PCNX1: variants seen among roughly 807,000 people sequenced by gnomAD.
PCNX1 encodes pecanex 1.
In PCNX1, 78 loss-of-function variants were observed where a neutral mutation model predicts 242.2. The ratio of observed to expected loss-of-function variants is 0.32; its 90% CI spans 0.27 to 0.39. PCNX1 has a LOEUF of 0.39. Among genes scored for constraint, PCNX1 ranks in the 10% least tolerant of loss-of-function variants. PCNX1 has a pLI of 1.00. For synonymous variants in PCNX1, 1,024 were observed against 1,032.9 expected (o/e 0.99, Z 0.17); for missense variants, 2,581 against 2,856.5 (o/e 0.90, Z 2.20).
chr14:70,998,771 A>T (rs1466010476), intron 8 of PCNX1, among the ~76,000 whole-genome samples: 1 of 150,634 alleles, frequency 6.6e-6, no homozygotes, highest in Non-Finnish European at 1.5e-5. Context: ...AAAAAAAAAA[A>T]AGAAAAACTG....
intron 1 of PCNX1, among the ~76,000 whole-genome samples, chr14:70,910,271 A>G (rs1432277558): frequency 1.9e-5 from 2 of 106,162 alleles, no homozygotes; most frequent in African/African-American, 7.3e-5. Context: ...GGCCATCATC[A>G]TTCCCTTGGT....
chr14:71,020,542 C>T (rs2060073040), intron 12 of PCNX1, among the ~76,000 whole-genome samples: 1 of 152,162 alleles, frequency 6.6e-6, no homozygotes, highest in South Asian at 2.1e-4. Context: ...TAATGATGAG[C>T]TTTTTTTCAT....
rs1385678540 is a variant in PCNX1, at chr14:71,108,628, T to C, written c.6326T>C (p.Val2109Ala). 6.2e-7 allele frequency: 1 copy of C among 1,613,364 alleles called. No individual in the cohort carries two copies. The highest frequency in any genetic ancestry group is 8.5e-7 in the Non-Finnish European group (1 of 1,179,488). Residue 2109 changes from valine (V) to alanine (A), a missense_variant, in exon 34 of 36, where the codon GTG (valine) becomes GCG (alanine). Transcript: ENST00000304743. The part of the protein sequence containing the change: ...TLGTSHSSHS[V>A]QSGLVRQSPA... ...GGCACTAGCCACAGCTCTCACTCTG[T>C]GCAGTCGGGCCTGGTCAGACAGTCT... is the stretch of plus-strand genomic sequence containing the variant.
chr14:71,031,269 C>A (rs2060375549), intron 16 of PCNX1, among the ~76,000 whole-genome samples: 1 of 152,226 alleles, frequency 6.6e-6, no homozygotes, highest in African/African-American at 2.4e-5. Context: ...CCTGACTCAT[C>A]TACATTCTTA....
chr14:71,040,092 G>A (rs944044894), intron 19 of PCNX1, among the ~76,000 whole-genome samples: 3 of 152,126 alleles, frequency 2.0e-5, no homozygotes, highest in African/African-American at 7.2e-5. Context: ...GATTACAGGT[G>A]TGAGCCACTG....
intron 2 of PCNX1, among the ~76,000 whole-genome samples, chr14:70,950,445 G>C (rs755179505): frequency 1.3e-5 from 2 of 152,006 alleles, no homozygotes; most frequent in Non-Finnish European, 2.9e-5. Flanking sequence ...TTAAATATTA[G>C]ATAACTGTGA....
chr14:71,034,074 A>G (rs1191739228), intron 18 of PCNX1, 38 bp downstream of exon 18: 1 of 1,107,562 alleles, frequency 9.0e-7, no homozygotes, highest in Non-Finnish European at 1.4e-6. Context: ...AAAGACTTAA[A>G]TCTTAGACAG....
intron 28 of PCNX1, chr14:71,078,815 A>T (rs1484003274): frequency 1.8e-4 from 27 of 152,110 alleles, no homozygotes; most frequent in Admixed American, 1.8e-3. Flanking sequence ...AAGCAATTTA[A>T]ATATGATGTG....
intron 3 of PCNX1, among the ~76,000 whole-genome samples, chr14:70,963,480 T>C (rs1477523777): frequency 2.0e-5 from 3 of 152,218 alleles, no homozygotes; most frequent in Non-Finnish European, 4.4e-5. Flanking sequence ...ATAGCAGATA[T>C]AATTCTGCCA....
chr14:70,956,412 CG>C (rs2057996569), intron 2 of PCNX1, among the ~76,000 whole-genome samples: 1 of 151,816 alleles, frequency 6.6e-6, no homozygotes, highest in Non-Finnish European at 1.5e-5. Flanking sequence ...AAAAATTAGC[CG>C]GGTGTGGTGG....
At chr14:71,063,781 C>A (rs2061381086) in intron 26 of PCNX1, among the ~76,000 whole-genome samples, 1 of 152,086 alleles carries the variant, frequency 6.6e-6, no homozygotes, top group African/African-American at 2.4e-5. Flanking sequence ...AATATTGAAA[C>A]AAGTTTCTTG....
chr14:70,974,249 T>C (rs1218087789), intron 5 of PCNX1, among the ~76,000 whole-genome samples: 1 of 149,580 alleles, frequency 6.7e-6, no homozygotes, highest in Non-Finnish European at 1.5e-5. Flanking sequence ...TTGTTGTTTT[T>C]TTTTTTTTTT....
At chr14:71,058,967 G>T (rs1212842959) in intron 26 of PCNX1, among the ~76,000 whole-genome samples, 1 of 152,138 alleles carries the variant, frequency 6.6e-6, no homozygotes, top group African/African-American at 2.4e-5. Flanking sequence ...TCATCCAAAA[G>T]TTAGCATACC....
intron 18 of PCNX1, 82 bp downstream of exon 18, chr14:71,034,118 G>A: frequency 2.7e-6 from 2 of 727,342 alleles, no homozygotes; most frequent in East Asian, 2.6e-5. Flanking sequence ...CTTTTTGAAA[G>A]TCATTAGTAA....
chr14:70,954,887 T>C (rs2057933261), intron 2 of PCNX1, among the ~76,000 whole-genome samples: 1 of 152,228 alleles, frequency 6.6e-6, no homozygotes, highest in East Asian at 1.9e-4. Flanking sequence ...GTTTTTGTTT[T>C]TGACATCTCC....
In PCNX1 at chr14:70,907,956, C is replaced by G; in HGVS notation, c.106C>G (p.Leu36Val). ...HQATFVNALH[L>V]YLWLFLLGLP... is the part of the protein sequence containing the mutation. Reference sequence around the variant, plus strand: ...GGCCACCTTCGTGAACGCGCTGCACCTCTACCTGTGGCTCTTTCTGCTGGG... The same window carrying G: ...GGCCACCTTCGTGAACGCGCTGCACGTCTACCTGTGGCTCTTTCTGCTGGG... The change falls in exon 1 of 36, where the codon CTC becomes GTC. Residue 36 changes from leucine to valine, a missense_variant. By Grantham distance (32) the Leu-to-Val change is conservative. Around this residue, in one of 9 missense-constraint regions of PCNX1, gnomAD observed 1,204 missense variants for 1,216.7 expected, o/e 0.99. Coordinates refer to ENST00000304743, the MANE Select transcript of PCNX1 (RefSeq NM_014982.3). The G allele has an allele frequency of 6.3e-7, 1 of 1,598,384 alleles. No individual in the cohort carries two copies. Among genetic ancestry groups the G allele is most frequent in the Non-Finnish European group, 8.5e-7 (1 of 1,173,660 alleles).
chr14:71,099,773 A>G (rs1295990533), intron 30 of PCNX1, among the ~76,000 whole-genome samples: 1 of 152,194 alleles, frequency 6.6e-6, no homozygotes, highest in Middle Eastern at 3.2e-3. Flanking sequence ...GGGTGCATAT[A>G]TATGTAGGAT....
chr14:71,052,151 C>T, intron 24 of PCNX1, 139 bp downstream of exon 24: 4 of 609,358 alleles, frequency 6.6e-6, no homozygotes, highest in Non-Finnish European at 1.0e-5. Context: ...AATAAATAGT[C>T]TTAAAATTTG....
At position 71,109,834 on chromosome 14, in the gene PCNX1, A is replaced by G. The variant is rs1343091674; in HGVS notation, c.6925A>G (p.Thr2309Ala). 1.2e-6 allele frequency: 2 copies of G among 1,613,374 alleles called. No individual in the cohort carries two copies. Among genetic ancestry groups the G allele is most frequent in the African/African-American group, 1.3e-5 (1 of 75,014 alleles). The change falls in exon 36 of 36, where the codon ACC becomes GCC. Residue 2309 changes from threonine to alanine, a missense_variant. Physicochemically the swap from Thr to Ala is moderately conservative, Grantham distance 58 (BLOSUM62 0). This residue lies in a region of PCNX1 where 432 missense variants were observed against 433.6 expected (regional missense o/e 1.00). Transcript: ENST00000304743. ...GGTGCCTTGCAGCAGAGATCCAGGT[A>G]CCAGATCCCACATCGACAAGGCAGT... Reference protein sequence around the residue: ...RWVPCSRDPGTRSHIDKAVLL... With the variant: ...RWVPCSRDPGARSHIDKAVLL...
Sources: gnomAD v4.1 joint callset for allele counts (sites outside exome capture counted in the v4.1 genomes callset) on GRCh38, gnomAD v4.1.1 for gene constraint, gnomAD v4.1.1 regional missense constraint, MANE v1.5 for transcripts, NCBI Gene and HGNC (gene_info 2026-07-23, HGNC 2026-07-21) for gene names.